Variants in PIWIL4 observed in about 807,000 individuals in gnomAD.
PIWIL4 encodes piwi like RNA-mediated gene silencing 4.
PIWIL4 carries 50 observed loss-of-function variants against 100.9 expected under a neutral mutation model. The ratio of observed to expected loss-of-function variants is 0.50; its 90% confidence interval spans 0.39 to 0.63. PIWIL4 has a LOEUF of 0.63. PIWIL4 is among the 20% of genes least tolerant of loss of function. PIWIL4 has a pLI of 0.00. For missense variants in PIWIL4, 887 were observed against 1,043.3 expected, an observed-to-expected ratio of 0.85 and a Z score of 2.06; for synonymous variants, 342 against 367.5, an observed-to-expected ratio of 0.93 and a Z score of 0.79.
chr11:94,621,232 C>A lies in PIWIL4; in HGVS notation c.*240C>A. The A allele has an allele frequency of 4.7e-6, 2 of 426,662 alleles. No homozygotes were observed. The highest frequency in any genetic ancestry group is 3.9e-5 in the South Asian group (1 of 25,782). The allele number at this position is 426,662 out of a possible 1,614,324, so 26.4% of individuals were successfully genotyped here. On this transcript the variant is annotated 3_prime_UTR_variant, in exon 20 of 20. Coordinates refer to ENST00000299001, the MANE Select transcript of PIWIL4 (RefSeq NM_152431.3). ...TTGTCATATGTGGAATTTAAATATACCATCATCTACAAAGAATTCCACAGA... is the reference window on the plus strand; with the variant it reads ...TTGTCATATGTGGAATTTAAATATAACATCATCTACAAAGAATTCCACAGA...
intron 19 of PIWIL4, 62 bp downstream of exon 19, chr11:94,620,206 C>T (rs1948891145): frequency 6.8e-7 from 1 of 1,473,058 alleles, no homozygotes. Context: ...TAGGAATTAT[C>T]ATACACGTCA....
chr11:94,610,244 A>T (rs1294659648), intron 15 of PIWIL4, among the ~76,000 whole-genome samples: 3 of 151,284 alleles, frequency 2.0e-5, no homozygotes. Flanking sequence ...GTGTGTGTAT[A>T]TCTCACAATT....
rs1948409240 is a variant in PIWIL4, at chr11:94,586,968, A to G, written c.717-82A>G. ...TTGTTAAGATCTCGAGAATTAGAAC[A>G]GAAAATCACCATTTAAAAATCTTTA... On this transcript the variant is annotated intron_variant, in intron 6 of 19. Coordinates refer to ENST00000299001, the MANE Select transcript of PIWIL4 (RefSeq NM_152431.3). 5.6e-6 allele frequency: 7 copies of G among 1,246,556 alleles called. No individual in the cohort carries two copies. The Admixed American group carries it at 1.5e-4, about 27-fold the overall frequency. The allele number at this position is 1,246,556 out of a possible 1,614,324, so 77.2% of individuals were successfully genotyped here.
intron 15 of PIWIL4, among the ~76,000 whole-genome samples, chr11:94,609,865 GT>G (rs1255694258): frequency 6.6e-6 from 1 of 151,988 alleles, no homozygotes; most frequent in Non-Finnish European, 1.5e-5. Flanking sequence ...ACCTCACATA[GT>G]TACCATTTGT....
At chr11:94,580,913 T>C (rs1308521888) in intron 4 of PIWIL4, among the ~76,000 whole-genome samples, 5 of 142,808 alleles carry the variant, frequency 3.5e-5, no homozygotes, top group African/African-American at 1.3e-4. Context: ...TTTTTTTTTT[T>C]TGGAGAAGGA....
At chr11:94,600,381 C>T (rs1948618067) in intron 11 of PIWIL4, among the ~76,000 whole-genome samples, 1 of 152,106 alleles carries the variant, frequency 6.6e-6, no homozygotes, top group African/African-American at 2.4e-5. Context: ...AGCTGGGCGT[C>T]CAGGGGAGAC....
chr11:94,580,516 A>G (rs1948296598), intron 4 of PIWIL4, among the ~76,000 whole-genome samples: 1 of 152,044 alleles, frequency 6.6e-6, no homozygotes. Flanking sequence ...GTCCACATCT[A>G]TTTGCCACTC....
intron 9 of PIWIL4, 51 bp downstream of exon 9, chr11:94,593,692 A>G: frequency 6.3e-7 from 1 of 1,594,022 alleles, no homozygotes; most frequent in Non-Finnish European, 8.6e-7. Flanking sequence ...CAGGCCCCTG[A>G]TGCTTGGCAG....
At chr11:94,613,517 T>A (rs1175354231) in intron 15 of PIWIL4, among the ~76,000 whole-genome samples, 3 of 152,222 alleles carry the variant, frequency 2.0e-5, no homozygotes, top group African/African-American at 7.2e-5. Flanking sequence ...CAAGAACATT[T>A]TAGCCATTAT....
chr11:94,583,025 GGT>G (rs940150796), intron 4 of PIWIL4, among the ~76,000 whole-genome samples: 1 of 129,186 alleles, frequency 7.7e-6, no homozygotes, highest in Non-Finnish European at 1.6e-5. Context: ...ACACTGTTGT[GGT>G]GTGTGTATAT....
intron 11 of PIWIL4, among the ~76,000 whole-genome samples, chr11:94,600,343 G>C (rs1241812850): frequency 6.6e-6 from 1 of 152,110 alleles, no homozygotes; most frequent in African/African-American, 2.4e-5. Context: ...GAAATAAAGG[G>C]ACAGAGTACA....
chr11:94,595,864 A>C (rs1349256261), intron 10 of PIWIL4, among the ~76,000 whole-genome samples: 1 of 152,178 alleles, frequency 6.6e-6, no homozygotes. Context: ...GTGCCTTTTA[A>C]ATTTGAGATA....
At chr11:94,598,705 C>CTTTT (rs769342028) in intron 11 of PIWIL4, among the ~76,000 whole-genome samples, 89 of 110,052 alleles carry the variant, frequency 8.1e-4, no homozygotes, top group East Asian at 1.4e-3. Flanking sequence ...TTTTTTCCAT[C>CTTTT]TTTTTTTTTT....
intron 1 of PIWIL4, among the ~76,000 whole-genome samples, chr11:94,567,996 C>T (rs1948099110): frequency 6.6e-6 from 1 of 151,954 alleles, no homozygotes; most frequent in East Asian, 1.9e-4. Flanking sequence ...AGTACTCTCA[C>T]ACATGTGGTT....
At chr11:94,619,636 T>A in intron 17 of PIWIL4, 124 bp from the exon 18 acceptor site, 1 of 1,132,696 alleles carries the variant, frequency 8.8e-7, no homozygotes, top group Non-Finnish European at 1.2e-6. Flanking sequence ...GTAATTTTTA[T>A]TTTCTGTTTT....
At chr11:94,570,955 C>T (rs1300886304) in intron 2 of PIWIL4, among the ~76,000 whole-genome samples, 1 of 151,970 alleles carries the variant, frequency 6.6e-6, no homozygotes, top group African/African-American at 2.4e-5. Flanking sequence ...TGTTCTGACC[C>T]CGGTGTTTTT....
At chr11:94,567,816 C>T in intron 1 of PIWIL4, 3 of 1,182,516 alleles carry the variant, frequency 2.5e-6, no homozygotes. Flanking sequence ...GGTATATTAG[C>T]CAGTAAAGAG....
In PIWIL4 at chr11:94,601,928, G is replaced by T. The variant is rs76578146; in HGVS notation, c.1514G>T (p.Cys505Phe). ...TEYVAESFLNCLRRVAGSMGF... is the reference protein window; with the variant it reads ...TEYVAESFLNFLRRVAGSMGF... ...TATGTTGCCGAGAGCTTTCTGAACT[G>T]CTTGAGAAGAGTTGCAGGTTCCATG... The change falls in exon 12 of 20, where the codon TGC (cysteine) becomes TTC (phenylalanine). Residue 505 changes from cysteine (C) to phenylalanine (F), a missense_variant. Physicochemically the swap from Cys to Phe is radical, Grantham distance 205. Around this residue, in one of 2 missense-constraint regions of PIWIL4, gnomAD observed 741 missense variants for 930.0 expected, o/e 0.80. Coordinates refer to ENST00000299001, the MANE Select transcript of PIWIL4 (RefSeq NM_152431.3). 4.8e-4 allele frequency: 768 copies of T among 1,613,646 alleles called. 5 individuals carry two copies. The African/African-American group carries it at 8.6e-3, about 18-fold the overall frequency.
At chr11:94,579,234 A>G (rs529484829) in intron 4 of PIWIL4, among the ~76,000 whole-genome samples, 3 of 152,320 alleles carry the variant, frequency 2.0e-5, no homozygotes, top group East Asian at 1.9e-4. Context: ...ATCATAAGAA[A>G]TTATGAGTTA....
Sources: gnomAD v4.1 joint callset for allele counts (sites outside exome capture counted in the v4.1 genomes callset) on GRCh38, gnomAD v4.1.1 for gene constraint, gnomAD v4.1.1 regional missense constraint, MANE v1.5 for transcripts, NCBI Gene and HGNC (gene_info 2026-07-23, HGNC 2026-07-21) for gene names.